FAR2: variants seen among roughly 807,000 people sequenced by gnomAD.
FAR2 encodes the protein epididymis secretory protein Li 81.
Under a neutral mutation model 56.0 loss-of-function variants are expected in FAR2, and 19 were observed. The observed-to-expected ratio is 0.34, with a 90% CI of 0.24 to 0.50. The LOEUF (loss-of-function observed/expected upper bound fraction) is 0.50, where lower values mean the gene tolerates loss of function less well. Ranked by LOEUF, FAR2 falls within the 20% of genes least tolerant of loss-of-function variation. The pLI is 0.98. For synonymous variants in FAR2, 219 were observed against 218.8 expected (o/e 1.00, Z -0.01); for missense variants, 508 against 642.2 (o/e 0.79, Z 2.26).
chr12:29,311,190 G>C (rs1280946571), intron 7 of FAR2, 44 bp downstream of exon 7: 11 of 1,351,754 alleles, frequency 8.1e-6, no homozygotes, highest in Non-Finnish European at 3.2e-6. Flanking sequence ...ATGAGGGGCA[G>C]AGTGAATATA....
At chr12:29,150,352 GA>G in intron 1 of FAR2, among the ~76,000 whole-genome samples, 1 of 152,312 alleles carries the variant, frequency 6.6e-6, no homozygotes, top group South Asian at 2.1e-4. Flanking sequence ...GCCACTCGTT[GA>G]ATCACGTAAA....
chr12:29,288,756 C>T (rs1348183340), intron 2 of FAR2, among the ~76,000 whole-genome samples: 2 of 152,192 alleles, frequency 1.3e-5, no homozygotes, highest in Admixed American at 1.3e-4. Flanking sequence ...CACAGTCATA[C>T]AAACTTCAGG....
chr12:29,303,698 A>C (rs955643450), intron 4 of FAR2, among the ~76,000 whole-genome samples: 1 of 152,202 alleles, frequency 6.6e-6, no homozygotes, highest in African/African-American at 2.4e-5. Flanking sequence ...CATTGTTAAC[A>C]CTAAAAAAGC....
chr12:29,309,272 G>A lies in FAR2; in HGVS notation c.768+42G>A, dbSNP rs780421964. ...AGAAATAACTCCCTGAAATGTAGTAGAGAAATAGTAACAAAATTCTTAGTG... is the reference window on the plus strand; with the variant it reads ...AGAAATAACTCCCTGAAATGTAGTAAAGAAATAGTAACAAAATTCTTAGTG... On this transcript the variant is annotated intron_variant, in intron 6 of 11. Transcript: ENST00000536681. The A allele has an allele frequency of 3.3e-5, 48 of 1,470,328 alleles. No individual in the cohort carries two copies. The Admixed American group carries it at 8.7e-4, about 27-fold the overall frequency. The allele number at this position is 1,470,328 out of a possible 1,614,324, so 91.1% of individuals were successfully genotyped here. A position where few individuals can be genotyped will look rare whatever the true frequency, so the allele number is the denominator to read the frequency against.
chr12:29,171,150 AC>A (rs1436443184), intron 1 of FAR2, among the ~76,000 whole-genome samples: 1 of 152,246 alleles, frequency 6.6e-6, no homozygotes, highest in East Asian at 1.9e-4. Flanking sequence ...CAGGAGATTA[AC>A]AATGAGAAAG....
At chr12:29,198,213 T>A (rs971640041) in intron 1 of FAR2, among the ~76,000 whole-genome samples, 1 of 152,176 alleles carries the variant, frequency 6.6e-6, no homozygotes, top group Non-Finnish European at 1.5e-5. Flanking sequence ...TTCTGTTTTT[T>A]ATTTTAATTT....
intron 1 of FAR2, among the ~76,000 whole-genome samples, chr12:29,213,327 G>T (rs181972381): frequency 6.6e-6 from 1 of 152,174 alleles, no homozygotes; most frequent in South Asian, 2.1e-4. Context: ...AACATTAATA[G>T]AAATACAAAA....
At chr12:29,217,989 A>C (rs1565475171) in intron 1 of FAR2, among the ~76,000 whole-genome samples, 1 of 152,038 alleles carries the variant, frequency 6.6e-6, no homozygotes, top group African/African-American at 2.4e-5. Context: ...GACAAAGAGG[A>C]GGAGGAGGAG....
intron 1 of FAR2, among the ~76,000 whole-genome samples, chr12:29,263,843 T>G (rs1948465573): frequency 6.6e-6 from 1 of 151,870 alleles, no homozygotes; most frequent in South Asian, 2.1e-4. Flanking sequence ...AAAAGCTCAT[T>G]ATTTGATGGC....
intron 10 of FAR2, among the ~76,000 whole-genome samples, chr12:29,323,909 C>T (rs1417089832): frequency 2.0e-5 from 3 of 152,046 alleles, no homozygotes; most frequent in Admixed American, 6.6e-5. Flanking sequence ...ATGACTTTGA[C>T]GAGTTGAGAG....
rs868149028 is a variant in FAR2, at chr12:29,217,893, C to T, written c.-38-52519C>T. Among the ~76,000 whole-genome samples, 7 of 151,332 alleles carry T rather than the reference C, an allele frequency of 4.6e-5. No homozygotes were observed. The East Asian group carries it at 9.7e-4, about 21-fold the overall frequency. Reference sequence around the variant, plus strand: ...AGCTCTTTAAAATAACTATTGCAAACGTGTTAAAGAAATTAATAGAAAAGA... The same window carrying T: ...AGCTCTTTAAAATAACTATTGCAAATGTGTTAAAGAAATTAATAGAAAAGA... On this transcript the variant is annotated intron_variant, in intron 1 of 11. Transcript: ENST00000536681.
chr12:29,293,393 A>G lies in FAR2; in HGVS notation c.283A>G (p.Lys95Glu), dbSNP rs771675498. The G allele has an allele frequency of 1.4e-5, 23 of 1,612,992 alleles. No homozygotes were observed. Among genetic ancestry groups the G allele is most frequent in the Admixed American group, 3.3e-5 (2 of 59,798 alleles). The change falls in exon 3 of 12, where the codon AAA becomes GAA. Residue 95 changes from lysine (K) to glutamate (E), a missense_variant. Lys to Glu is a moderately conservative substitution (Grantham distance 56). Transcript: ENST00000536681. The part of the protein sequence containing the change: ...DLNQNDFAIS[K>E]EDMQELLSCT... ...CAATCAGAATGACTTTGCCATCAGCAAAGAGGACATGCAGGAGCTTCTCTC... is the reference window on the plus strand; with the variant it reads ...CAATCAGAATGACTTTGCCATCAGCGAAGAGGACATGCAGGAGCTTCTCTC...
intron 4 of FAR2, among the ~76,000 whole-genome samples, chr12:29,306,025 C>G (rs991069101): frequency 1.3e-5 from 2 of 151,122 alleles, no homozygotes; most frequent in African/African-American, 4.9e-5. Flanking sequence ...AAGCTTTATT[C>G]CCTCAAGACC....
intron 6 of FAR2, 84 bp from the exon 7 acceptor site, chr12:29,310,944 T>G (rs1365227544): frequency 1.0e-6 from 1 of 989,618 alleles, no homozygotes; most frequent in East Asian, 2.4e-5. Context: ...ATTGCACTAG[T>G]ATAACCAGTT....
At chr12:29,297,237 G>C in intron 4 of FAR2, 37 bp downstream of exon 4, 1 of 1,560,564 alleles carries the variant, frequency 6.4e-7, no homozygotes, top group Non-Finnish European at 8.7e-7. Context: ...GGGGCGGGTA[G>C]AATAAGTTCC....
chr12:29,219,081 G>T (rs942741881), intron 1 of FAR2, among the ~76,000 whole-genome samples: 1 of 151,964 alleles, frequency 6.6e-6, no homozygotes, highest in Admixed American at 6.6e-5. Flanking sequence ...TACAGACAGG[G>T]TTTTACCATG....
chr12:29,300,639 G>A (rs914753293), intron 4 of FAR2, among the ~76,000 whole-genome samples: 1 of 151,852 alleles, frequency 6.6e-6, no homozygotes, highest in African/African-American at 2.4e-5. Context: ...AGTTGTTGTT[G>A]TTGTTGTTGT....
intron 1 of FAR2, among the ~76,000 whole-genome samples, chr12:29,166,146 G>T (rs35861754): frequency 0.039 from 5,888 of 152,290 alleles, 334 homozygotes; most frequent in African/African-American, 0.13. Context: ...TGCATGAAAT[G>T]CTTTGAGAAT....
chr12:29,214,587 T>A (rs1423142320), intron 1 of FAR2, among the ~76,000 whole-genome samples: 1 of 152,148 alleles, frequency 6.6e-6, no homozygotes, highest in Non-Finnish European at 1.5e-5. Flanking sequence ...TTTGGGAGAC[T>A]GAGGTGGGTG....
Sources: gnomAD v4.1 joint callset for allele counts (sites outside exome capture counted in the v4.1 genomes callset) on GRCh38, gnomAD v4.1.1 for gene constraint, MANE v1.5 for transcripts, NCBI Gene and HGNC (gene_info 2026-07-23, HGNC 2026-07-21) for gene names.